The following COL4A1 variants were observed in gnomAD, a reference collection of about 807,000 sequenced individuals.
COL4A1 encodes the protein collagen alpha-1(IV) chain.
A neutral mutation model predicts 216.6 loss-of-function variants in COL4A1; 40 were observed. The observed-to-expected ratio is 0.18, with a 90% CI of 0.14 to 0.24. COL4A1 has a LOEUF of 0.24. COL4A1 is among the 10% of genes least tolerant of loss of function. The probability of loss-of-function intolerance (pLI) is 1.00; values close to 1 mark genes in which losing one functional copy is unlikely to be tolerated. For synonymous variants in COL4A1, 839 were observed against 810.7 expected (o/e 1.03, Z -0.59); for missense variants, 1,628 against 2,196.8 (o/e 0.74, Z 5.18).
chr13:110,229,238 T>C (rs1237474585), intron 2 of COL4A1, among the ~76,000 whole-genome samples: 1 of 152,210 alleles, frequency 6.6e-6, no homozygotes, highest in Non-Finnish European at 1.5e-5. Context: ...AAAGTTCTTT[T>C]CAGTAAAATA....
intron 33 of COL4A1, 44 bp from the exon 34 acceptor site, chr13:110,177,081 A>C (rs1566351883): frequency 6.2e-7 from 1 of 1,610,044 alleles, no homozygotes; most frequent in East Asian, 2.2e-5. Context: ...GGCCAGTGTC[A>C]CAGAGGTGCT....
At chr13:110,227,409 CACACACACACACACACAA>C (rs1252907749) in intron 2 of COL4A1, among the ~76,000 whole-genome samples, 19 of 145,710 alleles carry the variant, frequency 1.3e-4, no homozygotes, top group Non-Finnish European at 7.5e-5. Context: ...CACACACACA[CACACACACACACACACAA>C]ACACACACAA....
intron 1 of COL4A1, among the ~76,000 whole-genome samples, chr13:110,266,347 C>A (rs1325661915): frequency 6.6e-6 from 1 of 152,212 alleles, no homozygotes; most frequent in African/African-American, 2.4e-5. Flanking sequence ...GTGTCACAAC[C>A]CGCCTGGAGT....
intron 49 of COL4A1, among the ~76,000 whole-genome samples, chr13:110,157,969 C>A (rs1375297720): frequency 2.0e-5 from 3 of 152,094 alleles, no homozygotes; most frequent in Non-Finnish European, 4.4e-5. Context: ...GTCAACATTG[C>A]CAAGAAAGTA....
intron 2 of COL4A1, among the ~76,000 whole-genome samples, chr13:110,226,569 A>C (rs1019057570): frequency 5.3e-5 from 8 of 152,250 alleles, no homozygotes; most frequent in Non-Finnish European, 8.8e-5. Context: ...TCCCAGATAT[A>C]CAATTGCCAG....
intron 26 of COL4A1, among the ~76,000 whole-genome samples, chr13:110,183,923 C>T (rs1245080290): frequency 1.3e-5 from 2 of 152,176 alleles, no homozygotes; most frequent in Non-Finnish European, 2.9e-5. Context: ...AAAGGCTTCC[C>T]CTCCAAGAAT....
chr13:110,205,193 TG>T (rs1270531987), intron 17 of COL4A1, 159 bp downstream of exon 17: 1 of 778,024 alleles, frequency 1.3e-6, no homozygotes, highest in Admixed American at 2.8e-5. Flanking sequence ...TAAAAAATCA[TG>T]AACATAAAGG....
intron 17 of COL4A1, among the ~76,000 whole-genome samples, chr13:110,204,773 A>G (rs1189976962): frequency 2.6e-5 from 4 of 152,024 alleles, no homozygotes; most frequent in Non-Finnish European, 5.9e-5. Flanking sequence ...GGACCCCAAT[A>G]TTACGCTTTT....
At position 110,177,715 on chromosome 13, in the gene COL4A1, C is replaced by T. The variant is rs1245524585; in HGVS notation, c.2716+127G>A. On this transcript the variant is annotated intron_variant, in intron 33 of 51. Transcript: ENST00000375820. The stretch of plus-strand genomic sequence containing the variant: ...AAGAAGGGGGTCTCCCAGCCTTCTG[C>T]TTGATGTTCCTAACTTCTTTTGTAG... 8.4e-6 allele frequency: 8 copies of T among 946,934 alleles called. No homozygotes were observed. The East Asian group carries it at 1.3e-4, about 15-fold the overall frequency. The allele number at this position is 946,934 out of a possible 1,614,324, so 58.7% of individuals were successfully genotyped here.
chr13:110,229,753 C>G (rs633388), intron 2 of COL4A1, among the ~76,000 whole-genome samples: 113,269 of 152,228 alleles, frequency 0.74, 42,244 homozygotes, highest in Middle Eastern at 0.82. Context: ...GACTTCCAGC[C>G]TCCAGCACGG....
chr13:110,255,586 C>A (rs1238074570), intron 1 of COL4A1, among the ~76,000 whole-genome samples: 5 of 12,330 alleles, frequency 4.1e-4, no homozygotes, highest in African/African-American at 4.2e-4. Context: ...GGCAGGCAGG[C>A]AGGAAGGGAA....
At chr13:110,187,498 G>T (rs2139174244) in intron 24 of COL4A1, among the ~76,000 whole-genome samples, 169 bp from the exon 25 acceptor site, 1 of 152,296 alleles carries the variant, frequency 6.6e-6, no homozygotes. Context: ...CTGTGACAAA[G>T]CCCTGGTCTG....
chr13:110,152,203 G>C, intron 51 of COL4A1, 131 bp downstream of exon 51: 1 of 1,428,522 alleles, frequency 7.0e-7, no homozygotes, highest in Non-Finnish European at 9.5e-7. Flanking sequence ...TGCCCATGTC[G>C]AACAGCATCA....
intron 40 of COL4A1, among the ~76,000 whole-genome samples, chr13:110,173,524 C>T (rs1184962432): frequency 1.3e-5 from 2 of 151,978 alleles, no homozygotes; most frequent in African/African-American, 4.8e-5. Context: ...CAACCATTTC[C>T]CCTCAAATGG....
chr13:110,162,804 C>T (rs761724713), intron 47 of COL4A1, among the ~76,000 whole-genome samples: 16 of 152,192 alleles, frequency 1.1e-4, no homozygotes, highest in Non-Finnish European at 1.9e-4. Flanking sequence ...GTCATTCACA[C>T]GGAATCGTGG....
Position 110,169,706 on chromosome 13 carries a change from C to T in COL4A1, c.3799G>A (p.Asp1267Asn), listed in dbSNP as rs2139154511. ...CCTGGCCAGCCTGGATTTCCTTTGT[C>T]ACCTTTAACTCCATCAATCCCAGGA... ...GLPGIDGVKG[D>N]KGNPGWPGAP... The change falls in exon 43 of 52, where the codon GAC becomes AAC. Residue 1267 changes from aspartate (D) to asparagine (N), a missense_variant. Coordinates refer to ENST00000375820, the MANE Select transcript of COL4A1 (RefSeq NM_001845.6). 6.2e-7 allele frequency: 1 copy of T among 1,614,128 alleles called. No individual in the cohort carries two copies. Among genetic ancestry groups the T allele is most frequent in the East Asian group, 2.2e-5 (1 of 44,852 alleles).
Position 110,170,935 on chromosome 13 carries a change from T to C in COL4A1, c.3557-203A>G, listed in dbSNP as rs16975450. On this transcript the variant is annotated intron_variant, in intron 41 of 51. Transcript: ENST00000375820. ...AACACACTAGAATCCGACCATGGCC[T>C]GGCTGGAAAAAGAGCTCAGAATGCT... Among the ~76,000 whole-genome samples the C allele has an allele frequency of 0.13, 19,189 of 152,252 alleles. 1,457 individuals carry two copies. The highest frequency in any genetic ancestry group is 0.16 in the Non-Finnish European group (11,090 of 68,006).
At chr13:110,288,853 G>A (rs1272062741) in intron 1 of COL4A1, among the ~76,000 whole-genome samples, 1 of 152,142 alleles carries the variant, frequency 6.6e-6, no homozygotes, top group Non-Finnish European at 1.5e-5. Flanking sequence ...CCAACATGGT[G>A]AAACCCTATC....
intron 1 of COL4A1, among the ~76,000 whole-genome samples, chr13:110,259,727 G>C (rs530499756): frequency 2.0e-5 from 3 of 152,276 alleles, no homozygotes; most frequent in Admixed American, 6.5e-5. Context: ...AATAGAAATA[G>C]GTCAGTCAAC....
Sources: allele counts gnomAD v4.1 joint callset (sites outside exome capture counted in the v4.1 genomes callset), GRCh38; gene constraint gnomAD v4.1.1; transcripts MANE v1.5; gene names NCBI Gene and HGNC (gene_info 2026-07-23, HGNC 2026-07-21).